Variants in GPHN observed in about 807,000 individuals in gnomAD.
GPHN encodes the protein gephyrin.
In GPHN, 17 loss-of-function variants were observed where a neutral mutation model predicts 95.5. The observed-to-expected ratio is 0.18, with a 90% confidence interval of 0.12 to 0.27. The LOEUF is 0.27. Ranked by LOEUF, GPHN falls within the 10% of genes least tolerant of loss-of-function variation. GPHN has a pLI of 1.00. For missense variants in GPHN, 660 were observed against 978.1 expected, an observed-to-expected ratio of 0.67 and a Z score of 4.34; for synonymous variants, 320 against 322.5, an observed-to-expected ratio of 0.99 and a Z score of 0.08.
the GPHN span, among the ~76,000 whole-genome samples, chr14:67,496,448 G>C: frequency 1.0e-4 from 12 of 119,876 alleles, no homozygotes; most frequent in South Asian, 3.4e-3. Flanking sequence ...CTGTCACCCA[G>C]GCTGGAGTGC....
At chr14:66,978,088 G>A (rs1366924158) in intron 9 of GPHN, among the ~76,000 whole-genome samples, 1 of 152,154 alleles carries the variant, frequency 6.6e-6, no homozygotes, top group Non-Finnish European at 1.5e-5. Context: ...AAAACACACT[G>A]TGCATACCTT....
the GPHN span, among the ~76,000 whole-genome samples, chr14:67,454,880 T>C: frequency 0.021 from 3,122 of 151,944 alleles, 179 homozygotes; most frequent in South Asian, 0.12. Context: ...CCTTTTTTTT[T>C]TTTTCTTTTT....
chr14:67,131,512 T>C (rs1294256781), intron 17 of GPHN, among the ~76,000 whole-genome samples: 1 of 152,098 alleles, frequency 6.6e-6, no homozygotes, highest in Non-Finnish European at 1.5e-5. Flanking sequence ...TCAAAGTAAG[T>C]CCAAAAGCCT....
intron 1 of GPHN, among the ~76,000 whole-genome samples, chr14:66,629,500 A>T (rs2063701568): frequency 4.6e-5 from 7 of 151,978 alleles, no homozygotes; most frequent in Admixed American, 4.6e-4. Context: ...AGGCTGTTTT[A>T]GTGTCAACTT....
chr14:66,967,599 C>T (rs2069429868), intron 9 of GPHN, among the ~76,000 whole-genome samples: 1 of 151,760 alleles, frequency 6.6e-6, no homozygotes, highest in Admixed American at 6.6e-5. Flanking sequence ...AATCAGAAAT[C>T]CAAAATACTC....
the GPHN span, among the ~76,000 whole-genome samples, chr14:67,377,912 A>G: frequency 0.03 from 4,588 of 151,794 alleles, 85 homozygotes; most frequent in Non-Finnish European, 0.036. Flanking sequence ...GTTGGAGACC[A>G]TCCTGGGCAG....
the GPHN span, among the ~76,000 whole-genome samples, chr14:67,436,616 G>C: frequency 6.6e-6 from 1 of 152,126 alleles, no homozygotes; most frequent in African/African-American, 2.4e-5. Flanking sequence ...GCCTCCATCT[G>C]GCACCCGATA....
At chr14:67,161,653 T>G (rs2081988682) in intron 19 of GPHN, among the ~76,000 whole-genome samples, 1 of 151,928 alleles carries the variant, frequency 6.6e-6, no homozygotes, top group Non-Finnish European at 1.5e-5. Flanking sequence ...CCCAGCTACT[T>G]GGGAGGCTAA....
the GPHN span, among the ~76,000 whole-genome samples, chr14:67,490,269 C>T: frequency 2.6e-5 from 4 of 152,162 alleles, no homozygotes; most frequent in Non-Finnish European, 4.4e-5. Flanking sequence ...AAGGAGTGTG[C>T]TCACTCTCCT....
intron 1 of GPHN, among the ~76,000 whole-genome samples, chr14:66,589,716 C>A (rs2061561832): frequency 6.6e-6 from 1 of 152,026 alleles, no homozygotes; most frequent in African/African-American, 2.4e-5. Flanking sequence ...ACTTAGACTC[C>A]CACACAATAA....
the GPHN span, among the ~76,000 whole-genome samples, chr14:67,273,922 T>G: frequency 1.3e-5 from 2 of 152,250 alleles, no homozygotes; most frequent in Non-Finnish European, 2.9e-5. Flanking sequence ...AATGTCTTCT[T>G]TTGAGAAGTG....
chr14:66,607,040 C>T (rs952016027), intron 1 of GPHN, among the ~76,000 whole-genome samples: 6 of 152,072 alleles, frequency 3.9e-5, no homozygotes, highest in Admixed American at 2.0e-4. Context: ...AGAATGACTC[C>T]GGCTTTTGCC....
intron 18 of GPHN, among the ~76,000 whole-genome samples, chr14:67,150,277 C>G (rs1472365747): frequency 6.6e-6 from 1 of 151,178 alleles, no homozygotes; most frequent in Admixed American, 6.6e-5. Context: ...CCCGTCTCTA[C>G]TAAAACTACA....
intron 9 of GPHN, among the ~76,000 whole-genome samples, chr14:67,017,603 T>C (rs1439281745): frequency 6.6e-6 from 1 of 152,100 alleles, no homozygotes; most frequent in African/African-American, 2.4e-5. Flanking sequence ...GTCATTACAG[T>C]GACCAGACCA....
Position 66,580,684 on chromosome 14 carries a change from G to A in GPHN, c.64+72093G>A, listed in dbSNP as rs1036343625. On this transcript the variant is annotated intron_variant, in intron 1 of 22. Coordinates refer to ENST00000478722, the MANE Select transcript of GPHN (RefSeq NM_020806.5). ...TAAGGAAGTTGAATCAGCAGTCATA[G>A]ACTGCCCAAAAAACAACCCAGGACC... 4.0e-5 allele frequency among the ~76,000 whole-genome samples: 6 copies of A among 151,850 alleles called. No individual in the cohort carries two copies. The South Asian group carries it at 1.2e-3, about 32-fold the overall frequency.
chr14:67,650,843 G>A, the GPHN span: 74 of 1,613,984 alleles, frequency 4.6e-5, no homozygotes, highest in Non-Finnish European at 6.2e-5. Flanking sequence ...AAGAGAAGGA[G>A]GGCATATTGT....
chr14:67,544,748 G>C, the GPHN span, among the ~76,000 whole-genome samples: 1 of 152,220 alleles, frequency 6.6e-6, no homozygotes, highest in Non-Finnish European at 1.5e-5. Context: ...TTAATGGATA[G>C]ATTAAACATC....
chr14:66,602,482 A>G lies in GPHN; in HGVS notation c.65-78625A>G, dbSNP rs59353274. On this transcript the variant is annotated intron_variant, in intron 1 of 22. Coordinates refer to ENST00000478722, the MANE Select transcript of GPHN (RefSeq NM_020806.5). ...CTCAGTGATGTGAAATTAGAAGATA[A>G]CCTATTCTGTTTCAGCACCAGTGCT... 7.9e-3 allele frequency among the ~76,000 whole-genome samples: 1,202 copies of G among 152,046 alleles called. 9 individuals are homozygous for G. The highest frequency in any genetic ancestry group is 0.028 in the African/African-American group (1,147 of 41,530).
chr14:66,759,039 A>T (rs1190263276), intron 2 of GPHN, among the ~76,000 whole-genome samples: 1 of 152,238 alleles, frequency 6.6e-6, no homozygotes, highest in Non-Finnish European at 1.5e-5. Context: ...ATAAATTTTA[A>T]TCTTATACTT....
Sources: allele counts gnomAD v4.1 joint callset (sites outside exome capture counted in the v4.1 genomes callset), GRCh38; gene constraint gnomAD v4.1.1; transcripts MANE v1.5; gene names NCBI Gene and HGNC (gene_info 2026-07-23, HGNC 2026-07-21).